MAPK14: variants seen among roughly 807,000 people sequenced by gnomAD.
MAPK14 encodes mitogen-activated protein kinase 14.
In MAPK14, 16 loss-of-function variants were observed where a neutral mutation model predicts 49.6. The ratio of observed to expected loss-of-function variants is 0.32; its 90% CI spans 0.22 to 0.49. The LOEUF (loss-of-function observed/expected upper bound fraction) is 0.49. MAPK14 is among the 20% of genes least tolerant of loss of function. The probability of loss-of-function intolerance (pLI) is 0.99; values close to 1 mark genes in which losing one functional copy is unlikely to be tolerated. For missense variants in MAPK14, 200 were observed against 441.2 expected (o/e 0.45, Z 4.90); for synonymous variants, 142 against 158.0 (o/e 0.90, Z 0.76).
chr6:36,100,097 T>C, intron 9 of MAPK14: 1 of 862,108 alleles, frequency 1.2e-6, no homozygotes, highest in East Asian at 2.4e-5. Context: ...TTTGTCTGTT[T>C]GGGGGTGGCT....
rs541701333 is a variant in MAPK14 at position 36,031,360 on chromosome 6, A to G, written c.116+3087A>G. 3.0e-3 allele frequency among the ~76,000 whole-genome samples: 462 copies of G among 152,156 alleles called. 1 individual carries two copies. Among genetic ancestry groups the G allele is most frequent in the Middle Eastern group, 0.024 (7 of 294 alleles). On this transcript the variant is annotated intron_variant, in intron 1 of 11. Coordinates refer to ENST00000229794, the MANE Select transcript of MAPK14 (RefSeq NM_139012.3). ...TACCTTTTTAGGTGTGGCAGAAAAC[A>G]TTTTTTGGAACTTCTTTTAGAATCC...
chr6:36,089,663 CATT>C (rs1178145957), intron 8 of MAPK14, among the ~76,000 whole-genome samples: 1 of 152,100 alleles, frequency 6.6e-6, no homozygotes, highest in Admixed American at 6.5e-5. Flanking sequence ...CTAATGATAG[CATT>C]ATTATTTTTT....
chr6:36,059,465 G>A (rs779255489), intron 3 of MAPK14, 118 bp downstream of exon 3: 4 of 740,966 alleles, frequency 5.4e-6, no homozygotes, highest in African/African-American at 3.5e-5. Flanking sequence ...TTCCTATCAT[G>A]CACCTCTTTT....
At chr6:36,117,041 T>G in the MAPK14 span, among the ~76,000 whole-genome samples, 1 of 152,182 alleles carries the variant, frequency 6.6e-6, no homozygotes, top group Non-Finnish European at 1.5e-5. Context: ...CAGCATAATT[T>G]CCATAAGGAC....
At chr6:36,083,276 G>T (rs1178621331) in intron 8 of MAPK14, among the ~76,000 whole-genome samples, 1 of 152,224 alleles carries the variant, frequency 6.6e-6, no homozygotes, top group African/African-American at 2.4e-5. Flanking sequence ...GCCAAGGGAG[G>T]TGGTGAGTGA....
chr6:36,034,555 T>A (rs1280304089), intron 1 of MAPK14, among the ~76,000 whole-genome samples: 4 of 152,202 alleles, frequency 2.6e-5, no homozygotes, highest in African/African-American at 9.7e-5. Context: ...TAAAGTGGGC[T>A]CCCCTGACTT....
intron 3 of MAPK14, among the ~76,000 whole-genome samples, chr6:36,069,918 T>C (rs930368677): frequency 9.9e-5 from 15 of 152,234 alleles, no homozygotes; most frequent in African/African-American, 3.4e-4. Flanking sequence ...TGTTTGTCTC[T>C]TCTCCATAAA....
intron 11 of MAPK14, 136 bp from the exon 12 acceptor site, chr6:36,108,244 C>T: frequency 1.5e-6 from 1 of 679,274 alleles, no homozygotes; most frequent in South Asian, 1.6e-5. Flanking sequence ...TAGGCTATTA[C>T]ATACAAGCTG....
At chr6:36,062,472 T>C (rs924117961) in intron 3 of MAPK14, among the ~76,000 whole-genome samples, 5 of 152,076 alleles carry the variant, frequency 3.3e-5, no homozygotes, top group Admixed American at 6.5e-5. Context: ...CAAATTCACA[T>C]TGAAACAAAA....
At chr6:36,076,455 AC>A in intron 7 of MAPK14, 81 bp from the exon 8 acceptor site, 1 of 944,004 alleles carries the variant, frequency 1.1e-6, no homozygotes, top group Non-Finnish European at 1.7e-6. Context: ...TGAATATTTC[AC>A]CCCTAGTTAC....
At chr6:36,070,588 T>G (rs991330913) in intron 3 of MAPK14, among the ~76,000 whole-genome samples, 22 of 152,254 alleles carry the variant, frequency 1.4e-4, no homozygotes, top group African/African-American at 4.8e-4. Context: ...TCTCATTTAC[T>G]TATTAATTAC....
chr6:36,107,333 A>G lies in MAPK14; in HGVS notation c.842-122A>G. ...GAAGAGGGCTAATATATCCTAGAGTAGGTATTTTGGAGGAGAGTTCTTTGT... is the reference window on the plus strand; with the variant it reads ...GAAGAGGGCTAATATATCCTAGAGTGGGTATTTTGGAGGAGAGTTCTTTGT... On this transcript the variant is annotated intron_variant, in intron 10 of 11. Coordinates refer to ENST00000229794, the MANE Select transcript of MAPK14 (RefSeq NM_139012.3). The surrounding 1 kb of genome is among the most constrained non-coding windows in gnomAD (Gnocchi z 4.3). The G allele has an allele frequency of 1.7e-6, 1 of 576,980 alleles. No homozygotes were observed. Among genetic ancestry groups the G allele is most frequent in the Non-Finnish European group, 3.0e-6 (1 of 332,436 alleles). The allele number at this position is 576,980 out of a possible 1,614,324, so 35.7% of individuals were successfully genotyped here. A position where few individuals can be genotyped will look rare whatever the true frequency, so the allele number is the denominator to read the frequency against.
At chr6:36,047,210 T>G (rs556261023) in intron 1 of MAPK14, among the ~76,000 whole-genome samples, 3 of 152,180 alleles carry the variant, frequency 2.0e-5, no homozygotes, top group African/African-American at 7.2e-5. Context: ...TGTGACAGAG[T>G]AATGGCTTCT....
At chr6:36,078,198 A>C (rs542291396) in intron 8 of MAPK14, among the ~76,000 whole-genome samples, 1 of 152,180 alleles carries the variant, frequency 6.6e-6, no homozygotes, top group African/African-American at 2.4e-5. Flanking sequence ...TATTTCTCTC[A>C]GTTTCCTTAA....
chr6:36,039,472 T>TGTGTGTGTGTGTGA (rs58048007), intron 1 of MAPK14, among the ~76,000 whole-genome samples: 1 of 108,132 alleles, frequency 9.2e-6, no homozygotes, highest in Non-Finnish European at 1.8e-5. Context: ...TGAAGGAAGG[T>TGTGTGTGTGTGTGA]GTGTGTGTGT....
intron 8 of MAPK14, among the ~76,000 whole-genome samples, chr6:36,093,919 C>T (rs541341344): frequency 9.2e-5 from 14 of 151,932 alleles, no homozygotes; most frequent in Non-Finnish European, 1.6e-4. Flanking sequence ...TGGTGGCTAC[C>T]CAGTTAAATA....
rs1170270456 is a variant in MAPK14, at chr6:36,107,160, T to C, written c.842-295T>C. On this transcript the variant is annotated intron_variant, in intron 10 of 11. Coordinates refer to ENST00000229794, the MANE Select transcript of MAPK14 (RefSeq NM_139012.3). This position sits in a 1 kb window ranked among gnomAD's most constrained non-coding sequence, Gnocchi z 4.3. ...TTCACTATTTGGTTAATGGGCACGC[T>C]AGAAGCCCAGTCCCCATCAGTCCGT... is the stretch of plus-strand genomic sequence containing the variant. Among the ~76,000 whole-genome samples the C allele has an allele frequency of 1.3e-5, 2 of 152,124 alleles. No homozygotes were observed. The highest frequency in any genetic ancestry group is 4.8e-5 in the African/African-American group (2 of 41,432).
intron 8 of MAPK14, among the ~76,000 whole-genome samples, chr6:36,095,612 C>G (rs1251115432): frequency 6.6e-6 from 1 of 152,204 alleles, no homozygotes; most frequent in African/African-American, 2.4e-5. Context: ...TGGTTACTGA[C>G]ACTGTGATGG....
chr6:36,103,963 G>A (rs1765720765), intron 10 of MAPK14, among the ~76,000 whole-genome samples: 1 of 152,178 alleles, frequency 6.6e-6, no homozygotes, highest in Admixed American at 6.5e-5. Context: ...ATCTTTTTGA[G>A]GGCTGACAGC....
Sources: allele counts gnomAD v4.1 joint callset (sites outside exome capture counted in the v4.1 genomes callset), GRCh38; gene constraint gnomAD v4.1.1; non-coding constraint Gnocchi (gnomAD v3.1); transcripts MANE v1.5; gene names NCBI Gene and HGNC (gene_info 2026-07-23, HGNC 2026-07-21).